RMDN2: variants seen among roughly 807,000 people sequenced by gnomAD.
RMDN2 encodes the protein regulator of microtubule dynamics protein 2.
In RMDN2, 61 loss-of-function variants were observed where a neutral mutation model predicts 52.8. The ratio of observed to expected loss-of-function variants is 1.16; its 90% confidence interval spans 0.94 to 1.43. The LOEUF (loss-of-function observed/expected upper bound fraction) is 1.43, where lower values mean the gene tolerates loss of function less well. Among genes scored for constraint, RMDN2 ranks in the 40% most tolerant of loss-of-function variants. RMDN2 has a pLI of 0.00. For synonymous variants in RMDN2, 180 were observed against 153.1 expected (o/e 1.18, Z -1.30); for missense variants, 592 against 475.3 (o/e 1.25, Z -2.28).
chr2:37,991,821 A>G (rs1027390768), intron 7 of RMDN2, among the ~76,000 whole-genome samples: 2 of 152,230 alleles, frequency 1.3e-5, no homozygotes, highest in Non-Finnish European at 1.5e-5. Context: ...TTTGGAAGGG[A>G]TACGCGACAT....
chr2:38,062,773 C>CA (rs1194577623), intron 10 of RMDN2, among the ~76,000 whole-genome samples: 6 of 115,430 alleles, frequency 5.2e-5, no homozygotes, highest in African/African-American at 1.1e-4. Context: ...CCCCCTTCCC[C>CA]CCCCCCACAA....
chr2:37,929,200 A>T, intron 1 of RMDN2, 62 bp from the exon 2 acceptor site: 1 of 981,826 alleles, frequency 1.0e-6, no homozygotes, highest in Non-Finnish European at 1.5e-6. Context: ...AAAAGCACCT[A>T]TATTTTTGTC....
At chr2:38,020,904 A>C (rs1015660740), downstream of RMDN2, among the ~76,000 whole-genome samples, 1 of 152,176 alleles carries the variant, frequency 6.6e-6, no homozygotes, top group Non-Finnish European at 1.5e-5. Flanking sequence ...GGCGCACGGT[A>C]CGGGATTGGC....
At position 37,950,782 on chromosome 2, in the gene RMDN2, G is replaced by A. The variant is rs191794443; in HGVS notation, c.452+21053G>A. On this transcript the variant is annotated intron_variant, in intron 2 of 10. Coordinates refer to ENST00000354545, the MANE Select transcript of RMDN2 (RefSeq NM_001170791.3). ...TGGTTAATATTTTAAAATACAATTA[G>A]TCAACAGAATATAAGTTTATTCTCC... Among the ~76,000 whole-genome samples, 148 of 152,178 alleles carry A rather than the reference G, an allele frequency of 9.7e-4. 1 individual carries two copies. The highest frequency in any genetic ancestry group is 3.5e-3 in the African/African-American group (144 of 41,512).
chr2:38,029,290 TTTGG>T (rs1263543683), intron 10 of RMDN2: 1 of 152,158 alleles, frequency 6.6e-6, no homozygotes, highest in Non-Finnish European at 1.5e-5. Context: ...TTATTCTGCC[TTTGG>T]GGCCACCTTC....
At chr2:37,928,013 C>A (rs1342767726) in intron 1 of RMDN2, among the ~76,000 whole-genome samples, 2 of 152,048 alleles carry the variant, frequency 1.3e-5, no homozygotes, top group African/African-American at 4.8e-5. Context: ...GTAAAGCAGG[C>A]CAGATTAAGT....
intron 8 of RMDN2, among the ~76,000 whole-genome samples, chr2:37,998,930 T>G (rs1235319176): frequency 6.6e-6 from 1 of 152,214 alleles, no homozygotes; most frequent in African/African-American, 2.4e-5. Context: ...TTCCTACCAC[T>G]GAAAATTAGT....
intron 2 of RMDN2, among the ~76,000 whole-genome samples, chr2:37,956,800 T>C (rs1669531654): frequency 1.3e-5 from 2 of 151,648 alleles, no homozygotes; most frequent in Non-Finnish European, 2.9e-5. Context: ...ACGCTACCCC[T>C]CCCCTTGCTC....
At chr2:38,052,333 T>C (rs995790470) in intron 10 of RMDN2, among the ~76,000 whole-genome samples, 2 of 152,226 alleles carry the variant, frequency 1.3e-5, no homozygotes, top group African/African-American at 4.8e-5. Context: ...TTTCGAGAAA[T>C]GTATATTCAG....
At chr2:38,046,819 C>A (rs992056726) in intron 10 of RMDN2, among the ~76,000 whole-genome samples, 1 of 151,976 alleles carries the variant, frequency 6.6e-6, no homozygotes. Flanking sequence ...CCCGTCTCTA[C>A]GAAAAATACA....
At chr2:37,946,120 A>G (rs1330886448) in intron 2 of RMDN2, among the ~76,000 whole-genome samples, 1 of 152,220 alleles carries the variant, frequency 6.6e-6, no homozygotes, top group Non-Finnish European at 1.5e-5. Flanking sequence ...ATCAAATCGT[A>G]TCTTACCATC....
At chr2:38,047,349 C>A (rs1681333479) in intron 10 of RMDN2, among the ~76,000 whole-genome samples, 1 of 151,988 alleles carries the variant, frequency 6.6e-6, no homozygotes, top group African/African-American at 2.4e-5. Context: ...CTATAATGAC[C>A]AAACAGTAGA....
intron 2 of RMDN2, among the ~76,000 whole-genome samples, chr2:37,932,875 C>G (rs867453151): frequency 6.9e-6 from 1 of 145,218 alleles, no homozygotes; most frequent in African/African-American, 2.5e-5. Context: ...CTGACCCCCC[C>G]ACCTCCCTCC....
chr2:38,055,132 C>T (rs1681807111), intron 10 of RMDN2, among the ~76,000 whole-genome samples: 1 of 152,100 alleles, frequency 6.6e-6, no homozygotes, highest in African/African-American at 2.4e-5. Flanking sequence ...GAGGCCAGGA[C>T]CAGGTCTACT....
At position 37,969,314 on chromosome 2, in the gene RMDN2, A is replaced by G. The variant is rs144199535; in HGVS notation, c.453-4726A>G. 6.3e-3 allele frequency among the ~76,000 whole-genome samples: 952 copies of G among 151,978 alleles called. 6 individuals carry two copies. The highest frequency in any genetic ancestry group is 0.022 in the African/African-American group (902 of 41,526). On this transcript the variant is annotated intron_variant, in intron 2 of 10. Coordinates refer to ENST00000354545, the MANE Select transcript of RMDN2 (RefSeq NM_001170791.3). ...ATAAATTAATGTGGAGCCTTATGAA[A>G]TTGTTTTAATTAAATTTTCGTATCC...
chr2:37,996,791 T>C (rs751107386), intron 7 of RMDN2, among the ~76,000 whole-genome samples: 1 of 152,118 alleles, frequency 6.6e-6, no homozygotes, highest in Non-Finnish European at 1.5e-5. Context: ...CAAAACTTTT[T>C]AGAAGAAAGC....
intron 4 of RMDN2, among the ~76,000 whole-genome samples, chr2:37,977,228 CT>C (rs1672596603): frequency 6.6e-6 from 1 of 152,224 alleles, no homozygotes; most frequent in Non-Finnish European, 1.5e-5. Flanking sequence ...AAAATGGAGT[CT>C]CCTATGTCTA....
intron 2 of RMDN2, among the ~76,000 whole-genome samples, chr2:37,943,847 T>G (rs1667999485): frequency 6.6e-6 from 1 of 152,204 alleles, no homozygotes; most frequent in Non-Finnish European, 1.5e-5. Context: ...ACCCTGACTT[T>G]ATAATTTTTA....
intron 5 of RMDN2, among the ~76,000 whole-genome samples, chr2:37,982,063 C>G (rs868650360): frequency 1.3e-5 from 2 of 152,032 alleles, no homozygotes; most frequent in African/African-American, 4.8e-5. Flanking sequence ...AAATGTATGA[C>G]CCTTTCTTCA....
Sources: allele counts gnomAD v4.1 joint callset (sites outside exome capture counted in the v4.1 genomes callset), GRCh38; gene constraint gnomAD v4.1.1; transcripts MANE v1.5; gene names NCBI Gene and HGNC (gene_info 2026-07-23, HGNC 2026-07-21).